Variants in OLA1 observed in about 807,000 individuals in gnomAD.
OLA1 encodes the protein obg-like ATPase 1.
OLA1 carries 14 observed loss-of-function variants against 48.4 expected under a neutral mutation model. The observed-to-expected ratio is 0.29, with a 90% CI of 0.19 to 0.45. The LOEUF (loss-of-function observed/expected upper bound fraction) is 0.45, where lower values mean the gene tolerates loss of function less well. OLA1 is among the 20% of genes least tolerant of loss of function. OLA1 has a pLI of 1.00. For missense variants in OLA1, 325 were observed against 467.1 expected, an observed-to-expected ratio of 0.70 and a Z score of 2.80; for synonymous variants, 127 against 150.4, an observed-to-expected ratio of 0.84 and a Z score of 1.14.
chr2:174,198,623 A>G (rs990105045), intron 4 of OLA1, among the ~76,000 whole-genome samples: 1 of 152,080 alleles, frequency 6.6e-6, no homozygotes, highest in Non-Finnish European at 1.5e-5. Context: ...TCTACTAAAA[A>G]TACATAAATT....
intron 4 of OLA1, among the ~76,000 whole-genome samples, chr2:174,200,490 G>A (rs1360476176): frequency 6.6e-6 from 1 of 152,106 alleles, no homozygotes. Flanking sequence ...AGATAGGCCT[G>A]GAACACCCTT....
At chr2:174,168,078 C>G (rs1422724729) in intron 4 of OLA1, among the ~76,000 whole-genome samples, 1 of 152,212 alleles carries the variant, frequency 6.6e-6, no homozygotes, top group African/African-American at 2.4e-5. Context: ...GGAAATTCAT[C>G]TTTTCAAAGC....
chr2:174,118,719 A>AGCAACC (rs1333120829), intron 7 of OLA1, among the ~76,000 whole-genome samples: 1 of 152,204 alleles, frequency 6.6e-6, no homozygotes, highest in Non-Finnish European at 1.5e-5. Context: ...CTCACAAATC[A>AGCAACC]GTAAGTCAGC....
chr2:174,082,119 CAT>C (rs1426188568), intron 7 of OLA1, 55 bp from the exon 8 acceptor site: 1 of 1,572,528 alleles, frequency 6.4e-7, no homozygotes, highest in Non-Finnish European at 8.7e-7. Context: ...GACTGTACCA[CAT>C]TCATTATTAT....
In OLA1 at chr2:174,173,734, A is replaced by G. The variant is rs926579935; in HGVS notation, c.374-31734T>C. Among the ~76,000 whole-genome samples the G allele has an allele frequency of 3.3e-5, 5 of 152,196 alleles. No individual in the cohort carries two copies. In the South Asian group the frequency reaches 8.3e-4, roughly 25 times the overall value. On this transcript the variant is annotated intron_variant, in intron 4 of 10. Coordinates refer to ENST00000284719, the MANE Select transcript of OLA1 (RefSeq NM_013341.5). ...AACCCATAGTCCTTTAAAAAGCTCA[A>G]TAAAATTGATAAGCCTCTAGATAGA...
intron 7 of OLA1, among the ~76,000 whole-genome samples, chr2:174,112,220 T>C (rs767587447): frequency 3.3e-5 from 5 of 152,198 alleles, no homozygotes; most frequent in Non-Finnish European, 7.4e-5. Flanking sequence ...GCTTAGCAGT[T>C]AGTGAGGAAC....
chr2:174,081,265 C>T lies in OLA1; in HGVS notation c.870-17G>A. 3 of 1,580,600 alleles carry T rather than the reference C, an allele frequency of 1.9e-6. No individual in the cohort carries two copies. ...GGCAAAGCACTGAAATCAAATGAAA[C>T]AAATTCACCCAACACATAAGTTGAT... On this transcript the variant is annotated splice_polypyrimidine_tract_variant and intron_variant, in intron 8 of 10. Coordinates refer to ENST00000284719, the MANE Select transcript of OLA1 (RefSeq NM_013341.5).
At chr2:174,098,173 C>T (rs1248135592) in intron 7 of OLA1, among the ~76,000 whole-genome samples, 1 of 152,130 alleles carries the variant, frequency 6.6e-6, no homozygotes, top group African/African-American at 2.4e-5. Flanking sequence ...TTCCTATTGA[C>T]ATATATTTTC....
intron 7 of OLA1, among the ~76,000 whole-genome samples, chr2:174,088,867 T>C (rs1562312): frequency 0.55 from 82,446 of 150,796 alleles, 23,125 homozygotes; most frequent in East Asian, 0.95. Context: ...CAGAGTGAAA[T>C]CCTGTCTCAA....
intron 4 of OLA1, among the ~76,000 whole-genome samples, chr2:174,147,057 GAGC>G (rs1180372437): frequency 1.3e-5 from 2 of 152,088 alleles, no homozygotes. Context: ...ATACCATCAA[GAGC>G]AGCAGAAGAA....
At chr2:174,090,665 C>T (rs959508616) in intron 7 of OLA1, among the ~76,000 whole-genome samples, 1 of 152,128 alleles carries the variant, frequency 6.6e-6, no homozygotes, top group African/African-American at 2.4e-5. Context: ...CATTTTGTGA[C>T]CGTAAGAAGG....
At chr2:174,089,956 A>T (rs1166673860) in intron 7 of OLA1, among the ~76,000 whole-genome samples, 4 of 151,916 alleles carry the variant, frequency 2.6e-5, no homozygotes, top group Non-Finnish European at 5.9e-5. Flanking sequence ...TAATAACCTC[A>T]ATACCTGGGG....
At chr2:174,124,297 A>G (rs1685994876) in intron 5 of OLA1, 1 of 149,544 alleles carries the variant, frequency 6.7e-6, no homozygotes, top group African/African-American at 2.5e-5. Context: ...GTGACCTCCA[A>G]CCAGCTGCAT....
At chr2:174,232,908 C>T (rs1688764818) in intron 2 of OLA1, among the ~76,000 whole-genome samples, 1 of 152,122 alleles carries the variant, frequency 6.6e-6, no homozygotes. Flanking sequence ...ATTTACAAAC[C>T]CATGTTCATT....
intron 4 of OLA1, among the ~76,000 whole-genome samples, chr2:174,165,643 A>T (rs1476593110): frequency 1.3e-5 from 2 of 152,210 alleles, no homozygotes; most frequent in Admixed American, 1.3e-4. Flanking sequence ...TCTTCCTTAA[A>T]TGTAAAATAA....
At chr2:174,085,755 G>A (rs1684961910) in intron 7 of OLA1, among the ~76,000 whole-genome samples, 2 of 152,088 alleles carry the variant, frequency 1.3e-5, no homozygotes, top group Admixed American at 1.3e-4. Context: ...TCCCAGATAT[G>A]AATTTTATTA....
At chr2:174,089,198 G>T (rs1309809084) in intron 7 of OLA1, among the ~76,000 whole-genome samples, 1 of 151,958 alleles carries the variant, frequency 6.6e-6, no homozygotes, top group Non-Finnish European at 1.5e-5. Flanking sequence ...TCATCAAAAA[G>T]AAAAGAAAAA....
intron 7 of OLA1, among the ~76,000 whole-genome samples, chr2:174,086,085 C>T (rs1684969880): frequency 6.6e-6 from 1 of 152,122 alleles, no homozygotes; most frequent in Non-Finnish European, 1.5e-5. Context: ...GTGGTTACTT[C>T]TTCTAGGGAG....
At chr2:174,247,965 G>C in intron 1 of OLA1, 1 of 678,462 alleles carries the variant, frequency 1.5e-6, no homozygotes, top group South Asian at 2.0e-5. Context: ...TTCTGGCTGA[G>C]AGTTGTACCT....
Sources: gnomAD v4.1 joint callset for allele counts (sites outside exome capture counted in the v4.1 genomes callset) on GRCh38, gnomAD v4.1.1 for gene constraint, MANE v1.5 for transcripts, NCBI Gene and HGNC (gene_info 2026-07-23, HGNC 2026-07-21) for gene names.